Variants in LPP observed in about 807,000 individuals in gnomAD.
LPP encodes lipoma-preferred partner.
LPP carries 38 observed loss-of-function variants against 60.4 expected under a neutral mutation model. The observed-to-expected ratio is 0.63, with a 90% CI of 0.49 to 0.83. The LOEUF is 0.83. Ranked by LOEUF, LPP falls within the 40% of genes least tolerant of loss-of-function variation. The pLI is 0.00. For synonymous variants in LPP, 328 were observed against 290.8 expected (o/e 1.13, Z -1.30); for missense variants, 902 against 783.6 (o/e 1.15, Z -1.80).
rs2152090217 is a variant in LPP, at chr3:188,883,672, G to T, written c.*9193G>T. On this transcript the variant is annotated 3_prime_UTR_variant, in exon 12 of 12. Transcript: ENST00000617246. ...CACCTGAACCCAGGAGGCAGAGGTT[G>T]CAGTGAGCAGAGATTGCGCCACTGC... 1 of 164,038 alleles carries T rather than the reference G, an allele frequency of 6.1e-6. No individual in the cohort carries two copies. The highest frequency in any genetic ancestry group is 2.2e-4 in the South Asian group (1 of 4,592). 10.2% of individuals were successfully genotyped at this position (164,038 alleles called of 1,614,324 possible). A position where few individuals can be genotyped will look rare whatever the true frequency, so the allele number is the denominator to read the frequency against.
rs537345666 is a variant in LPP at position 188,312,340 on chromosome 3, A to G, written c.-66-29323A>G. Among the ~76,000 whole-genome samples the G allele has an allele frequency of 2.6e-5, 4 of 152,244 alleles. No homozygotes were observed. The East Asian group carries it at 5.8e-4, about 22-fold the overall frequency. On this transcript the variant is annotated intron_variant, in intron 2 of 11. Transcript: ENST00000617246. ...TGTCCTTCACTTCCTTTTCCATTGGATTGCTGAATTTTTGCTTATTGATTT... is the reference window on the plus strand; with the variant it reads ...TGTCCTTCACTTCCTTTTCCATTGGGTTGCTGAATTTTTGCTTATTGATTT...
chr3:188,742,306 A>G (rs1724728834), intron 8 of LPP, among the ~76,000 whole-genome samples: 1 of 152,114 alleles, frequency 6.6e-6, no homozygotes, highest in African/African-American at 2.4e-5. Flanking sequence ...ACCCAAGTGA[A>G]ATGAAACCTT....
At chr3:188,648,982 C>T (rs1230875145) in intron 7 of LPP, among the ~76,000 whole-genome samples, 2 of 152,076 alleles carry the variant, frequency 1.3e-5, no homozygotes, top group African/African-American at 4.8e-5. Flanking sequence ...AGAGTGTTTG[C>T]TTGATTCTAA....
At chr3:188,850,794 G>C (rs1762509462) in intron 9 of LPP, among the ~76,000 whole-genome samples, 1 of 152,162 alleles carries the variant, frequency 6.6e-6, no homozygotes, top group Non-Finnish European at 1.5e-5. Flanking sequence ...GCTGAGTTCA[G>C]TTCTGGGCGC....
intron 5 of LPP, among the ~76,000 whole-genome samples, chr3:188,486,089 A>G (rs547127629): frequency 6.6e-6 from 1 of 152,100 alleles, no homozygotes; most frequent in Non-Finnish European, 1.5e-5. Context: ...TATGGCATAC[A>G]TGAGATATTT....
chr3:188,733,289 ACG>A (rs1491242186), intron 8 of LPP, among the ~76,000 whole-genome samples: 127 of 88,536 alleles, frequency 1.4e-3, no homozygotes, highest in South Asian at 7.4e-3. Flanking sequence ...TTCACCAAAA[ACG>A]TGTGTGTGTG....
intron 7 of LPP, among the ~76,000 whole-genome samples, chr3:188,670,856 G>A (rs1468026124): frequency 1.3e-5 from 2 of 152,176 alleles, no homozygotes; most frequent in Non-Finnish European, 2.9e-5. Flanking sequence ...TATATTTGGA[G>A]CGCTACCATG....
At chr3:188,539,876 T>C (rs1824678417) in intron 6 of LPP, among the ~76,000 whole-genome samples, 1 of 152,158 alleles carries the variant, frequency 6.6e-6, no homozygotes, top group African/African-American at 2.4e-5. Flanking sequence ...CATTGTTGGT[T>C]ACAGAACTCC....
chr3:188,367,553 A>G (rs1036011272), intron 3 of LPP, among the ~76,000 whole-genome samples: 1 of 152,240 alleles, frequency 6.6e-6, no homozygotes, highest in African/African-American at 2.4e-5. Context: ...AGTTAAATGT[A>G]CAAGTTCCTA....
intron 1 of LPP, among the ~76,000 whole-genome samples, chr3:188,216,710 G>GTC (rs1713766947): frequency 6.6e-6 from 1 of 152,174 alleles, no homozygotes; most frequent in Non-Finnish European, 1.5e-5. Context: ...TAAGCATCCT[G>GTC]TCTCTAACTC....
chr3:188,214,497 A>G (rs867377764), intron 1 of LPP, among the ~76,000 whole-genome samples: 11 of 152,218 alleles, frequency 7.2e-5, no homozygotes, highest in South Asian at 6.2e-4. Context: ...TTGGGGAAGC[A>G]TTTTATTACC....
chr3:188,597,363 G>T (rs113325114), intron 6 of LPP, among the ~76,000 whole-genome samples: 1 of 152,054 alleles, frequency 6.6e-6, no homozygotes, highest in Non-Finnish European at 1.5e-5. Flanking sequence ...TTTAATTTCT[G>T]CCACTGATAC....
At chr3:188,524,236 ATTCCTCT>A (rs1473749517) in intron 5 of LPP, among the ~76,000 whole-genome samples, 1 of 152,164 alleles carries the variant, frequency 6.6e-6, no homozygotes, top group Non-Finnish European at 1.5e-5. Context: ...TCAAGTGCTG[ATTCCTCT>A]TTCTGGAATG....
chr3:188,651,645 TCA>T (rs1852111412), intron 7 of LPP, among the ~76,000 whole-genome samples: 2 of 152,156 alleles, frequency 1.3e-5, no homozygotes, highest in Admixed American at 6.5e-5. Context: ...AAAGCACATC[TCA>T]CATGGCAACA....
intron 1 of LPP, among the ~76,000 whole-genome samples, chr3:188,197,211 G>C (rs1048633846): frequency 4.6e-5 from 7 of 152,118 alleles, no homozygotes; most frequent in Non-Finnish European, 8.8e-5. Context: ...TTCAATTTGG[G>C]TAGTATTGGG....
At position 188,428,646 on chromosome 3, in the gene LPP, TC is replaced by T. The variant is rs1248234680; in HGVS notation, c.193+22334del. ...TTTTAGAACTGCTAAGGTAGGCCAA[TC>T]TCTCACTGATGCTTGAATTCATATA... On this transcript the variant is annotated intron_variant, in intron 4 of 11. Coordinates refer to ENST00000617246, the MANE Select transcript of LPP (RefSeq NM_001375462.1). Among the ~76,000 whole-genome samples, 6 of 151,088 alleles carry T rather than the reference TC, an allele frequency of 4.0e-5. 1 individual carries two copies. Among genetic ancestry groups the T allele is most frequent in the African/African-American group, 1.5e-4 (6 of 41,196 alleles).
intron 4 of LPP, among the ~76,000 whole-genome samples, chr3:188,420,246 C>CT (rs1425787020): frequency 6.6e-6 from 1 of 151,958 alleles, no homozygotes; most frequent in Non-Finnish European, 1.5e-5. Flanking sequence ...ATTATGATTC[C>CT]TTTTTTGAAT....
At chr3:188,573,434 T>C (rs1319409896) in intron 6 of LPP, among the ~76,000 whole-genome samples, 3 of 152,100 alleles carry the variant, frequency 2.0e-5, no homozygotes, top group African/African-American at 7.2e-5. Context: ...TTACAATGAC[T>C]GCTGTGTTCT....
intron 5 of LPP, among the ~76,000 whole-genome samples, chr3:188,492,385 C>G (rs936349825): frequency 6.6e-6 from 1 of 151,980 alleles, no homozygotes; most frequent in African/African-American, 2.4e-5. Flanking sequence ...AGTAGTGGGT[C>G]TTTTTCTACT....
Sources: allele counts gnomAD v4.1 joint callset (sites outside exome capture counted in the v4.1 genomes callset), GRCh38; gene constraint gnomAD v4.1.1; transcripts MANE v1.5; gene names NCBI Gene and HGNC (gene_info 2026-07-23, HGNC 2026-07-21).